The following PIK3C2G variants were observed in gnomAD, a reference collection of about 807,000 sequenced individuals.
PIK3C2G encodes phosphatidylinositol 3-kinase C2 domain-containing subunit gamma.
In PIK3C2G, 168 loss-of-function variants were observed where a neutral mutation model predicts 181.1. The observed-to-expected ratio is 0.93, with a 90% CI of 0.82 to 1.05. The LOEUF (loss-of-function observed/expected upper bound fraction) is 1.05. PIK3C2G is among the 50% of genes least tolerant of loss of function. The probability of loss-of-function intolerance (pLI) is 0.00; values close to 1 mark genes in which losing one functional copy is unlikely to be tolerated. For missense variants in PIK3C2G, 1,869 were observed against 1,732.8 expected (o/e 1.08, Z -1.40); for synonymous variants, 573 against 592.2 (o/e 0.97, Z 0.47).
chr12:18,342,469 T>C (rs1480326627), intron 9 of PIK3C2G, among the ~76,000 whole-genome samples: 2 of 152,104 alleles, frequency 1.3e-5, no homozygotes, highest in East Asian at 3.9e-4. Context: ...TTGTATTTCC[T>C]TAAATGCAAG....
At chr12:18,502,116 A>G (rs1398304388) in intron 22 of PIK3C2G, among the ~76,000 whole-genome samples, 1 of 152,204 alleles carries the variant, frequency 6.6e-6, no homozygotes, top group Non-Finnish European at 1.5e-5. Flanking sequence ...TCTTGATACT[A>G]TGGATATTCC....
intron 18 of PIK3C2G, among the ~76,000 whole-genome samples, chr12:18,480,423 C>T (rs1033852844): frequency 8.5e-5 from 13 of 152,166 alleles, no homozygotes; most frequent in African/African-American, 2.4e-4. Flanking sequence ...TACATGTTAA[C>T]GTGTGAGTAG....
At position 18,286,938 on chromosome 12, in the gene PIK3C2G, T is replaced by C. The variant is rs1005359310; in HGVS notation, c.761+9T>C. The C allele has an allele frequency of 2.7e-6, 4 of 1,460,438 alleles. No individual in the cohort carries two copies. Among genetic ancestry groups the C allele is most frequent in the African/African-American group, 1.4e-5 (1 of 70,442 alleles). The allele number at this position is 1,460,438 out of a possible 1,614,324, so 90.5% of individuals were successfully genotyped here. A position where few individuals can be genotyped will look rare whatever the true frequency, so the allele number is the denominator to read the frequency against. On this transcript the variant is annotated intron_variant, in intron 3 of 32. Coordinates refer to ENST00000538779, the MANE Select transcript of PIK3C2G (RefSeq NM_001288772.2). ...TGCAACAAAGTAAAAAAGTGAGTAC[T>C]GGTATTTCATTAAACTTTGAAATTT...
At chr12:18,594,418 G>T in intron 29 of PIK3C2G, 76 bp from the exon 30 acceptor site, 1 of 785,852 alleles carries the variant, frequency 1.3e-6, no homozygotes, top group Non-Finnish European at 2.0e-6. Context: ...GATATATATG[G>T]CAATTTTATG....
At chr12:18,497,508 AAGTC>A (rs1941110848) in intron 21 of PIK3C2G, 107 bp from the exon 22 acceptor site, 4 of 749,644 alleles carry the variant, frequency 5.3e-6, no homozygotes, top group Non-Finnish European at 8.0e-6. Flanking sequence ...AAACCACTCT[AAGTC>A]AGGCTAGAAA....
intron 31 of PIK3C2G, among the ~76,000 whole-genome samples, chr12:18,617,137 T>G (rs1025120412): frequency 3.9e-5 from 6 of 152,036 alleles, no homozygotes; most frequent in African/African-American, 1.4e-4. Flanking sequence ...TCAGGGGAGA[T>G]TTTTGCCATC....
chr12:18,444,123 C>G (rs886825431), intron 18 of PIK3C2G, among the ~76,000 whole-genome samples: 2 of 152,162 alleles, frequency 1.3e-5, no homozygotes, highest in Non-Finnish European at 2.9e-5. Flanking sequence ...AGTTCCCATT[C>G]CAGTAAAATC....
At chr12:18,667,009 G>A in the PIK3C2G span, among the ~76,000 whole-genome samples, 3 of 152,208 alleles carry the variant, frequency 2.0e-5, no homozygotes, top group South Asian at 2.1e-4. Context: ...TAAAAATACC[G>A]TTTCTCAATA....
chr12:18,693,305 G>C, the PIK3C2G span: 10 of 1,533,546 alleles, frequency 6.5e-6, no homozygotes, highest in African/African-American at 2.7e-5. Context: ...TGATGAAGGT[G>C]GAAAAGGCCC....
At chr12:18,316,879 T>C (rs1388041678) in intron 6 of PIK3C2G, among the ~76,000 whole-genome samples, 5 of 152,038 alleles carry the variant, frequency 3.3e-5, no homozygotes, top group African/African-American at 7.2e-5. Flanking sequence ...TAGTGAGCAA[T>C]AGCAATAAGA....
intron 24 of PIK3C2G, among the ~76,000 whole-genome samples, chr12:18,512,534 G>A (rs1038453889): frequency 2.6e-5 from 4 of 151,638 alleles, no homozygotes; most frequent in African/African-American, 4.8e-5. Context: ...GGTTAAATTT[G>A]CACCTAAGTA....
chr12:18,471,740 A>T lies in PIK3C2G; in HGVS notation c.2505-16709A>T, dbSNP rs189806683. On this transcript the variant is annotated intron_variant, in intron 18 of 32. Coordinates refer to ENST00000538779, the MANE Select transcript of PIK3C2G (RefSeq NM_001288772.2). ...CCAAAAAAATTTATACTATTATTTG[A>T]TCCTTATAATGTAAGATCTTGTGTA... is the stretch of plus-strand genomic sequence containing the variant. Among the ~76,000 whole-genome samples, 5 of 152,214 alleles carry T rather than the reference A, an allele frequency of 3.3e-5. No homozygotes were observed. The East Asian group carries it at 7.7e-4, about 24-fold the overall frequency.
At chr12:18,456,580 A>G (rs1460826404) in intron 18 of PIK3C2G, among the ~76,000 whole-genome samples, 1 of 152,116 alleles carries the variant, frequency 6.6e-6, no homozygotes, top group Non-Finnish European at 1.5e-5. Context: ...TATTATGCAG[A>G]TGGGTCCCCT....
chr12:18,667,244 TTAGAGC>T, the PIK3C2G span, among the ~76,000 whole-genome samples: 1 of 152,172 alleles, frequency 6.6e-6, no homozygotes, highest in Non-Finnish European at 1.5e-5. Flanking sequence ...ATACTACTTC[TTAGAGC>T]TATGACAGCA....
chr12:18,294,027 A>G lies in PIK3C2G; in HGVS notation c.1034+12A>G, dbSNP rs1169430223. On this transcript the variant is annotated intron_variant, in intron 5 of 32. Transcript: ENST00000538779. ...GAATTTTTACAAAAGTAAGTATTTT[A>G]TGAAATTTTGGTTGTATTATAATCT... is the stretch of plus-strand genomic sequence containing the variant. The G allele has an allele frequency of 7.8e-7, 1 of 1,278,028 alleles. No homozygotes were observed. Among genetic ancestry groups the G allele is most frequent in the Non-Finnish European group, 1.1e-6 (1 of 882,204 alleles). The allele number at this position is 1,278,028 out of a possible 1,614,324, so 79.2% of individuals were successfully genotyped here. A position where few individuals can be genotyped will look rare whatever the true frequency, so the allele number is the denominator to read the frequency against.
At chr12:18,714,658 C>T in the PIK3C2G span, 4 of 152,174 alleles carry the variant, frequency 2.6e-5, no homozygotes, top group South Asian at 8.3e-4. Context: ...TAAATTACCC[C>T]ATGTCTACAG....
chr12:18,591,982 A>G (rs2136478089), intron 29 of PIK3C2G, among the ~76,000 whole-genome samples: 1 of 152,022 alleles, frequency 6.6e-6, no homozygotes, highest in East Asian at 1.9e-4. Context: ...TGAGGAGAAC[A>G]GAGAGTCCAA....
At chr12:18,680,785 A>G in the PIK3C2G span, among the ~76,000 whole-genome samples, 1 of 152,002 alleles carries the variant, frequency 6.6e-6, no homozygotes, top group Non-Finnish European at 1.5e-5. Flanking sequence ...AGGACTCACT[A>G]TTGGATTTGG....
At chr12:18,726,174 G>A in the PIK3C2G span, among the ~76,000 whole-genome samples, 1 of 152,052 alleles carries the variant, frequency 6.6e-6, no homozygotes, top group Admixed American at 6.6e-5. Context: ...CTAGACTTAA[G>A]GAGGATAGGA....
Sources: allele counts gnomAD v4.1 joint callset (sites outside exome capture counted in the v4.1 genomes callset), GRCh38; gene constraint gnomAD v4.1.1; transcripts MANE v1.5; gene names NCBI Gene and HGNC (gene_info 2026-07-23, HGNC 2026-07-21).